Variants in PTPN9 observed in about 807,000 individuals in gnomAD.
The protein encoded by PTPN9 is tyrosine-protein phosphatase non-receptor type 9.
PTPN9 carries 26 observed loss-of-function variants against 69.8 expected under a neutral mutation model. That is an observed-to-expected ratio of 0.37 (90% CI 0.27 to 0.52). The LOEUF (loss-of-function observed/expected upper bound fraction) is 0.52. Among genes scored for constraint, PTPN9 ranks in the 20% least tolerant of loss-of-function variants. The pLI is 0.91. For synonymous variants in PTPN9, 274 were observed against 272.5 expected (o/e 1.01, Z -0.05); for missense variants, 549 against 740.3 (o/e 0.74, Z 3.00).
intron 1 of PTPN9, among the ~76,000 whole-genome samples, chr15:75,528,135 C>T (rs533240175): frequency 5.5e-4 from 84 of 152,268 alleles, no homozygotes; most frequent in Admixed American, 1.1e-3. Flanking sequence ...AACCCCAAAA[C>T]TGGATACTAG....
chr15:75,474,482 G>T (rs1012514508), intron 9 of PTPN9, among the ~76,000 whole-genome samples: 4 of 151,520 alleles, frequency 2.6e-5, no homozygotes, highest in African/African-American at 7.3e-5. Flanking sequence ...GCGCACCACT[G>T]CACTCCAGCC....
chr15:75,472,874 G>A (rs1234727075), intron 10 of PTPN9, among the ~76,000 whole-genome samples: 1 of 151,924 alleles, frequency 6.6e-6, no homozygotes, highest in Non-Finnish European at 1.5e-5. Context: ...CTTGAACCTG[G>A]GAGACGGAAG....
At chr15:75,546,551 G>A (rs140434366) in intron 1 of PTPN9, among the ~76,000 whole-genome samples, 1,645 of 151,988 alleles carry the variant, frequency 0.011, 25 homozygotes, top group African/African-American at 0.038. Flanking sequence ...GCTGAGGCAG[G>A]AGAATCGCTT....
intron 1 of PTPN9, among the ~76,000 whole-genome samples, chr15:75,555,243 T>C (rs752402445): frequency 2.6e-4 from 40 of 152,134 alleles, no homozygotes; most frequent in Non-Finnish European, 5.0e-4. Context: ...CTTCTATACC[T>C]AGTTCCAGAG....
chr15:75,529,476 C>A (rs2074945530), intron 1 of PTPN9, among the ~76,000 whole-genome samples: 1 of 152,086 alleles, frequency 6.6e-6, no homozygotes. Context: ...ATTTAATAAG[C>A]ACCTGTTATT....
intron 1 of PTPN9, among the ~76,000 whole-genome samples, chr15:75,541,475 C>T (rs954551152): frequency 6.6e-5 from 10 of 151,210 alleles, no homozygotes; most frequent in African/African-American, 2.2e-4. Flanking sequence ...GGCATGATCT[C>T]GGCTCACTGC....
intron 8 of PTPN9, among the ~76,000 whole-genome samples, 161 bp from the exon 9 acceptor site, chr15:75,480,075 T>C (rs1055946006): frequency 4.6e-5 from 7 of 152,010 alleles, no homozygotes; most frequent in Non-Finnish European, 1.0e-4. Flanking sequence ...CTTCAATAAA[T>C]GGTGCTGGGA....
intron 8 of PTPN9, among the ~76,000 whole-genome samples, chr15:75,486,113 A>AC (rs1018350347): frequency 4.7e-5 from 7 of 148,304 alleles, no homozygotes; most frequent in Admixed American, 2.7e-4. Flanking sequence ...AAAAAAAAAA[A>AC]AAACAAAACT....
chr15:75,538,275 C>T (rs969740418), intron 1 of PTPN9, among the ~76,000 whole-genome samples: 1 of 152,024 alleles, frequency 6.6e-6, no homozygotes, highest in Non-Finnish European at 1.5e-5. Context: ...ACACATAGGC[C>T]CCGTAATTTT....
intron 1 of PTPN9, among the ~76,000 whole-genome samples, chr15:75,561,135 G>C (rs932332754): frequency 3.3e-5 from 5 of 151,676 alleles, no homozygotes; most frequent in Admixed American, 1.3e-4. Context: ...GACCAACATG[G>C]TGAAACCTTA....
chr15:75,472,165 A>G (rs1469708824), intron 10 of PTPN9, among the ~76,000 whole-genome samples: 3 of 152,174 alleles, frequency 2.0e-5, no homozygotes, highest in Non-Finnish European at 4.4e-5. Context: ...TATTCCTTTC[A>G]TTAAAATCTT....
At chr15:75,559,300 T>G (rs1595970495) in intron 1 of PTPN9, among the ~76,000 whole-genome samples, 4 of 152,168 alleles carry the variant, frequency 2.6e-5, no homozygotes, top group Admixed American at 6.5e-5. Flanking sequence ...GAACGGGCCA[T>G]GACGACGATG....
Position 75,558,472 on chromosome 15 carries a change from A to G in PTPN9, c.63+20242T>C, listed in dbSNP as rs112646413. Reference sequence around the variant, plus strand: ...CAGTGAGCCAAGACTGCACCACTGCACTCCAGCCTGGGTGACAAGAGTGAG... The same window carrying G: ...CAGTGAGCCAAGACTGCACCACTGCGCTCCAGCCTGGGTGACAAGAGTGAG... On this transcript the variant is annotated intron_variant, in intron 1 of 12. Coordinates refer to ENST00000618819, the MANE Select transcript of PTPN9 (RefSeq NM_002833.4). Among the ~76,000 whole-genome samples the G allele has an allele frequency of 5.8e-4, 88 of 152,094 alleles. 1 individual carries two copies. The highest frequency in any genetic ancestry group is 1.9e-3 in the African/African-American group (78 of 41,502).
intron 7 of PTPN9, 78 bp downstream of exon 7, chr15:75,505,597 G>T: frequency 9.5e-7 from 1 of 1,055,740 alleles, no homozygotes; most frequent in Non-Finnish European, 1.4e-6. Flanking sequence ...AAGCAAGTGA[G>T]GGGTGGAAGG....
At chr15:75,537,753 C>CAAAAAAAAAAAAAAAAAAA (rs1164644727) in intron 1 of PTPN9, among the ~76,000 whole-genome samples, 129 of 11,380 alleles carry the variant, frequency 0.011, 26 homozygotes, top group African/African-American at 0.017. Context: ...GACTCCATCT[C>CAAAAAAAAAAAAAAAAAAA]AAAAAAAAAA....
rs1220013560 is a variant in PTPN9 at position 75,579,293 on chromosome 15, C to G, written c.-517G>C. ...GCGCGGCTGCCTCAGCCAGGCTCCT[C>G]GCGGGCGGCCGCAGCGAAAGGGAGG... On this transcript the variant is annotated 5_prime_UTR_variant, in exon 1 of 13. Coordinates refer to ENST00000618819, the MANE Select transcript of PTPN9 (RefSeq NM_002833.4). 1 of 151,456 alleles carries G rather than the reference C, an allele frequency of 6.6e-6. No homozygotes were observed. The highest frequency in any genetic ancestry group is 1.5e-5 in the Non-Finnish European group (1 of 67,916). 9.4% of individuals were successfully genotyped at this position (151,456 alleles called of 1,614,324 possible). A position where few individuals can be genotyped will look rare whatever the true frequency, so the allele number is the denominator to read the frequency against.
rs191624373 is a variant in PTPN9, at chr15:75,527,103, C to A, written c.207+15G>T. ...CCCAACTGCCACAGGTCTGGTCTACCCCTGAGCCACATACTCTGTAGGAGT... is the reference window on the plus strand; with the variant it reads ...CCCAACTGCCACAGGTCTGGTCTACACCTGAGCCACATACTCTGTAGGAGT... On this transcript the variant is annotated intron_variant, in intron 2 of 12. Transcript: ENST00000618819. 3.1e-6 allele frequency: 5 copies of A among 1,614,034 alleles called. No homozygotes were observed. The East Asian group carries it at 8.9e-5, about 29-fold the overall frequency.
intron 1 of PTPN9, among the ~76,000 whole-genome samples, chr15:75,557,062 T>C (rs1332747433): frequency 1.3e-5 from 2 of 152,228 alleles, no homozygotes; most frequent in Admixed American, 6.5e-5. Context: ...TTCCATTATA[T>C]GTATATACAC....
intron 1 of PTPN9, among the ~76,000 whole-genome samples, chr15:75,576,477 A>T (rs979419090): frequency 6.6e-6 from 1 of 151,766 alleles, no homozygotes; most frequent in Admixed American, 6.6e-5. Flanking sequence ...GGTTGCAGTG[A>T]GCCGAGATCA....
Sources: gnomAD v4.1 joint callset for allele counts (sites outside exome capture counted in the v4.1 genomes callset) on GRCh38, gnomAD v4.1.1 for gene constraint, MANE v1.5 for transcripts, NCBI Gene and HGNC (gene_info 2026-07-23, HGNC 2026-07-21) for gene names.